Variants in RRAS2 observed in about 807,000 individuals in gnomAD.
RRAS2 encodes RAS related 2, also known as ras-related protein R-Ras2.
In RRAS2, 7 loss-of-function variants were observed where a neutral mutation model predicts 27.6. The ratio of observed to expected loss-of-function variants is 0.25; its 90% CI spans 0.14 to 0.48. The LOEUF (loss-of-function observed/expected upper bound fraction) is 0.48, where lower values mean the gene tolerates loss of function less well. RRAS2 is among the 20% of genes least tolerant of loss of function. The pLI is 0.99. For missense variants in RRAS2, 178 were observed against 256.2 expected (o/e 0.69, Z 2.08); for synonymous variants, 86 against 90.9 (o/e 0.95, Z 0.31).
intron 4 of RRAS2, 131 bp downstream of exon 4, chr11:14,294,340 G>A (rs1847490390): frequency 1.8e-6 from 1 of 565,834 alleles, no homozygotes; most frequent in Non-Finnish European, 3.0e-6. Context: ...GCCAGACTCA[G>A]CTATAAACAC....
upstream of RRAS2, among the ~76,000 whole-genome samples, chr11:14,363,541 G>C (rs1849216151): frequency 6.6e-6 from 1 of 152,174 alleles, no homozygotes; most frequent in African/African-American, 2.4e-5. Context: ...GGCCGAGGCA[G>C]GTGGATCACC....
Position 14,344,982 on chromosome 11 carries a change from A to AGT in RRAS2, c.108+13780_108+13781insAC, listed in dbSNP as rs1564981122. 4.0e-4 allele frequency among the ~76,000 whole-genome samples: 33 copies of AGT among 81,888 alleles called. No homozygotes were observed. In the East Asian group the frequency reaches 0.012, roughly 29 times the overall value. 53.7% of individuals were successfully genotyped at this position (81,888 alleles called of 152,430 possible). The stretch of plus-strand genomic sequence containing the variant: ...ATTTATTTCCTGTGCCCTACTCAAG[A>AGT]CTTTATTTTTTTTTTTTTTTTTTTT... On this transcript the variant is annotated intron_variant, in intron 1 of 5. Coordinates refer to ENST00000256196, the MANE Select transcript of RRAS2 (RefSeq NM_012250.6).
At position 14,358,779 on chromosome 11, in the gene RRAS2, G is replaced by C. The variant is rs1849138514; in HGVS notation, c.92C>G (p.Thr31Ser). Residue 31 changes from threonine to serine, a missense_variant, in exon 1 of 6, where the codon ACC becomes AGC. Physicochemically the swap from Thr to Ser is moderately conservative, Grantham distance 58 (BLOSUM62 1). Transcript: ENST00000256196. This position sits in a 1 kb window ranked among gnomAD's most constrained non-coding sequence, Gnocchi z 5.1. ...TCCAGGTACCTGGATGAACTGGATG[G>C]TGAGCGCCGACTTGCCCACGCCGCC... ...GGGGVGKSALTIQFIQSYFVT... is the reference protein window; with the variant it reads ...GGGGVGKSALSIQFIQSYFVT... The C allele has an allele frequency of 6.8e-7, 1 of 1,467,010 alleles. No individual in the cohort carries two copies. The highest frequency in any genetic ancestry group is 2.0e-5 in the Admixed American group (1 of 50,868). The allele number at this position is 1,467,010 out of a possible 1,614,324, so 90.9% of individuals were successfully genotyped here.
chr11:14,341,275 ACCTAC>A (rs1848699704), intron 1 of RRAS2, among the ~76,000 whole-genome samples: 3 of 152,146 alleles, frequency 2.0e-5, no homozygotes, highest in Non-Finnish European at 1.5e-5. Flanking sequence ...CAATCGGTAA[ACCTAC>A]CTCAAACTAC....
intron 1 of RRAS2, among the ~76,000 whole-genome samples, chr11:14,349,032 C>T (rs1848895525): frequency 6.6e-6 from 1 of 151,884 alleles, no homozygotes; most frequent in African/African-American, 2.4e-5. Context: ...GTGGCGCGAT[C>T]TCGGCTCACT....
At chr11:14,354,245 A>C (rs1554955192) in intron 1 of RRAS2, among the ~76,000 whole-genome samples, 1 of 152,230 alleles carries the variant, frequency 6.6e-6, no homozygotes, top group African/African-American at 2.4e-5. Context: ...GAAATTCAAG[A>C]CGTGAGAAAT....
rs1259821326 is a variant in RRAS2 at position 14,278,346 on chromosome 11, T to A, written c.*991A>T. The A allele has an allele frequency of 1.3e-5, 2 of 152,218 alleles. No homozygotes were observed. Among genetic ancestry groups the A allele is most frequent in the East Asian group, 3.8e-4 (2 of 5,204 alleles). The allele number at this position is 152,218 out of a possible 1,614,324, so 9.4% of individuals were successfully genotyped here. On this transcript the variant is annotated 3_prime_UTR_variant, in exon 6 of 6. Coordinates refer to ENST00000256196, the MANE Select transcript of RRAS2 (RefSeq NM_012250.6). ...GTTTCCACTTGTTTTTCTTTGTCAGTTAAAAGTGAACAGTGAGAATTAAAT... is the reference window on the plus strand; with the variant it reads ...GTTTCCACTTGTTTTTCTTTGTCAGATAAAAGTGAACAGTGAGAATTAAAT...
chr11:14,302,109 C>CACACACACACACACACACACAT (rs1415452446), intron 1 of RRAS2, among the ~76,000 whole-genome samples: 35 of 139,016 alleles, frequency 2.5e-4, no homozygotes, highest in Non-Finnish European at 4.3e-4. Flanking sequence ...CACACACACA[C>CACACACACACACACACACACAT]ACCAAAAACC....
chr11:14,360,192 AT>A (rs1849171546), upstream of RRAS2, among the ~76,000 whole-genome samples: 1 of 131,296 alleles, frequency 7.6e-6, no homozygotes, highest in African/African-American at 2.6e-5. Flanking sequence ...GCAACATGCC[AT>A]TTAAAAAAAA....
chr11:14,285,253 G>C (rs949741470), intron 4 of RRAS2, among the ~76,000 whole-genome samples: 1 of 152,096 alleles, frequency 6.6e-6, no homozygotes, highest in Non-Finnish European at 1.5e-5. Context: ...TATGGTTTAA[G>C]AATCTTACAA....
rs1322247825 is a variant in RRAS2, at chr11:14,302,150, CCTT to C, written c.109-6298_109-6296del. Reference sequence around the variant, plus strand: ...TAACAAATTTTCTTTCTTTTCTTCTCCTTCTTGAGCTCCTGCTCAGCTCACCCC... The same window carrying C: ...TAACAAATTTTCTTTCTTTTCTTCTCCTTGAGCTCCTGCTCAGCTCACCCC... On this transcript the variant is annotated intron_variant, in intron 1 of 5. Coordinates refer to ENST00000256196, the MANE Select transcript of RRAS2 (RefSeq NM_012250.6). 9.9e-4 allele frequency among the ~76,000 whole-genome samples: 149 copies of C among 150,140 alleles called. 1 individual carries two copies. The highest frequency in any genetic ancestry group is 3.5e-3 in the African/African-American group (142 of 40,936).
intron 1 of RRAS2, among the ~76,000 whole-genome samples, chr11:14,317,177 A>C (rs1848125939): frequency 6.6e-6 from 1 of 152,262 alleles, no homozygotes; most frequent in Non-Finnish European, 1.5e-5. Flanking sequence ...ACAGATTCTC[A>C]ATCATCCAAG....
In RRAS2 at chr11:14,345,106, C is replaced by T. The variant is rs990587056; in HGVS notation, c.108+13657G>A. On this transcript the variant is annotated intron_variant, in intron 1 of 5. Transcript: ENST00000256196. ...GGTTCAAGAGATTCTTCTGCCTTAG[C>T]TTCTCAAGTAGCTGGGATTATTGGC... Among the ~76,000 whole-genome samples, 3 of 150,018 alleles carry T rather than the reference C, an allele frequency of 2.0e-5. No homozygotes were observed. In the South Asian group the frequency reaches 6.4e-4, roughly 32 times the overall value.
At chr11:14,301,107 A>G (rs548657308) in intron 1 of RRAS2, among the ~76,000 whole-genome samples, 2 of 152,306 alleles carry the variant, frequency 1.3e-5, no homozygotes, top group African/African-American at 4.8e-5. Context: ...AGTTCTCTAA[A>G]ACCATAGGGT....
chr11:14,295,247 T>C (rs1220077265), intron 2 of RRAS2, among the ~76,000 whole-genome samples: 1 of 152,204 alleles, frequency 6.6e-6, no homozygotes, highest in Non-Finnish European at 1.5e-5. Context: ...TTATAACCAC[T>C]ATCCCCCAAT....
At chr11:14,313,220 C>A (rs371744176) in intron 1 of RRAS2, among the ~76,000 whole-genome samples, 8 of 152,264 alleles carry the variant, frequency 5.3e-5, no homozygotes, top group African/African-American at 1.9e-4. Flanking sequence ...GAATTTAAGA[C>A]CCTGCTCACA....
chr11:14,287,524 G>A (rs782227701), intron 4 of RRAS2, among the ~76,000 whole-genome samples: 15 of 152,060 alleles, frequency 9.9e-5, no homozygotes, highest in Admixed American at 2.6e-4. Context: ...TACCCATCAT[G>A]CATAATGTAA....
intron 1 of RRAS2, among the ~76,000 whole-genome samples, chr11:14,348,699 C>G (rs1848887853): frequency 6.6e-6 from 1 of 152,170 alleles, no homozygotes; most frequent in African/African-American, 2.4e-5. Context: ...CCTTTTTGAG[C>G]ACTCCCTTAT....
chr11:14,332,150 C>T (rs1554951997), intron 1 of RRAS2, among the ~76,000 whole-genome samples: 1 of 152,148 alleles, frequency 6.6e-6, no homozygotes, highest in Non-Finnish European at 1.5e-5. Flanking sequence ...TACCATACGA[C>T]CCAATAATCA....
Sources: gnomAD v4.1 joint callset for allele counts (sites outside exome capture counted in the v4.1 genomes callset) on GRCh38, gnomAD v4.1.1 for gene constraint, Gnocchi (gnomAD v3.1) non-coding constraint, MANE v1.5 for transcripts, NCBI Gene and HGNC (gene_info 2026-07-23, HGNC 2026-07-21) for gene names.